The following CFAP44 variants were observed in gnomAD, a reference collection of about 807,000 sequenced individuals.
CFAP44 encodes the protein cilia- and flagella-associated protein 44.
In CFAP44, 134 loss-of-function variants were observed where a neutral mutation model predicts 216.2. The observed-to-expected ratio is 0.62, with a 90% CI of 0.54 to 0.72. The LOEUF (loss-of-function observed/expected upper bound fraction) is 0.72. Ranked by LOEUF, CFAP44 falls within the 30% of genes least tolerant of loss-of-function variation. The pLI, the probability that CFAP44 is intolerant of heterozygous loss-of-function variation, is 0.00. For missense variants in CFAP44, 2,035 were observed against 2,182.1 expected (o/e 0.93, Z 1.34); for synonymous variants, 700 against 727.6 (o/e 0.96, Z 0.61).
intron 28 of CFAP44, among the ~76,000 whole-genome samples, chr3:113,323,138 C>T (rs1462586875): frequency 6.6e-6 from 1 of 152,144 alleles, no homozygotes. Flanking sequence ...GACCAAAATT[C>T]AAGATGAGAT....
At chr3:113,372,191 A>G (rs1933189291) in intron 18 of CFAP44, among the ~76,000 whole-genome samples, 1 of 152,212 alleles carries the variant, frequency 6.6e-6, no homozygotes, top group African/African-American at 2.4e-5. Context: ...AGGATCTACA[A>G]CTAGAAATAC....
intron 27 of CFAP44, 81 bp from the exon 28 acceptor site, chr3:113,326,721 G>T: frequency 2.6e-6 from 2 of 758,400 alleles, no homozygotes; most frequent in African/African-American, 1.8e-5. Context: ...ACAATACAAG[G>T]TTACAGTTTA....
intron 17 of CFAP44, among the ~76,000 whole-genome samples, chr3:113,374,024 T>C (rs1171088482): frequency 6.6e-6 from 1 of 152,174 alleles, no homozygotes; most frequent in African/African-American, 2.4e-5. Context: ...GGAAGAGCTA[T>C]ATTGCTCCAA....
At chr3:113,368,008 A>G (rs1233052577) in intron 18 of CFAP44, among the ~76,000 whole-genome samples, 3 of 152,224 alleles carry the variant, frequency 2.0e-5, no homozygotes, top group African/African-American at 7.2e-5. Context: ...AGATCAAATT[A>G]ATGAAATAAA....
At chr3:113,392,518 A>G (rs576972201) in intron 15 of CFAP44, among the ~76,000 whole-genome samples, 138 of 152,302 alleles carry the variant, frequency 9.1e-4, no homozygotes, top group African/African-American at 3.2e-3. Context: ...GATTATAGTC[A>G]ATAATAACTT....
At chr3:113,431,206 G>A (rs986367498) in intron 2 of CFAP44, among the ~76,000 whole-genome samples, 6 of 152,120 alleles carry the variant, frequency 3.9e-5, no homozygotes, top group South Asian at 2.1e-4. Context: ...ACCTCTTCAC[G>A]CAGCAACAAG....
chr3:113,419,251 T>C (rs1306305680), intron 5 of CFAP44, among the ~76,000 whole-genome samples: 2 of 152,216 alleles, frequency 1.3e-5, no homozygotes, highest in Non-Finnish European at 2.9e-5. Flanking sequence ...CATGGCTATC[T>C]GCACACAGTT....
chr3:113,340,766 C>T (rs901577604), intron 24 of CFAP44, among the ~76,000 whole-genome samples: 2 of 152,188 alleles, frequency 1.3e-5, no homozygotes, highest in Non-Finnish European at 2.9e-5. Flanking sequence ...TCAATTAGAC[C>T]CCCTTCCTTA....
At chr3:113,294,933 A>G in intron 33 of CFAP44, 112 bp from the exon 34 acceptor site, 1 of 1,250,686 alleles carries the variant, frequency 8.0e-7, no homozygotes, top group Admixed American at 3.2e-5. Context: ...ATGTGCCCAT[A>G]TGAAAATATA....
chr3:113,371,184 C>T (rs1017278352), intron 18 of CFAP44, among the ~76,000 whole-genome samples: 4 of 152,094 alleles, frequency 2.6e-5, no homozygotes. Flanking sequence ...CAATGCCATC[C>T]CCATCAAGCT....
intron 4 of CFAP44, among the ~76,000 whole-genome samples, chr3:113,425,592 C>G (rs1379634985): frequency 6.6e-6 from 1 of 152,182 alleles, no homozygotes; most frequent in Non-Finnish European, 1.5e-5. Context: ...AATGGACAGA[C>G]ACATAAGTGT....
Position 113,419,707 on chromosome 3 carries a change from C to A in CFAP44, c.570+310G>T, listed in dbSNP as rs554542220. Among the ~76,000 whole-genome samples the A allele has an allele frequency of 7.2e-5, 11 of 152,330 alleles. No individual in the cohort carries two copies. The South Asian group carries it at 2.1e-3, about 29-fold the overall frequency. Reference sequence around the variant, plus strand: ...TAAGATTCTTTAAAATCTCCTCACTCATCTCCACTTCTAATCTAAATATGA... The same window carrying A: ...TAAGATTCTTTAAAATCTCCTCACTAATCTCCACTTCTAATCTAAATATGA... On this transcript the variant is annotated intron_variant, in intron 5 of 34. Coordinates refer to ENST00000393845, the MANE Select transcript of CFAP44 (RefSeq NM_001164496.2).
At chr3:113,361,842 C>T (rs747036205) in intron 21 of CFAP44, among the ~76,000 whole-genome samples, 44 of 145,180 alleles carry the variant, frequency 3.0e-4, no homozygotes, top group Non-Finnish European at 5.6e-4. Context: ...TGAAGACCTG[C>T]TATTCTGACC....
chr3:113,343,022 C>T (rs1172897842), intron 23 of CFAP44, among the ~76,000 whole-genome samples: 3 of 148,586 alleles, frequency 2.0e-5, no homozygotes, highest in African/African-American at 4.9e-5. Flanking sequence ...AAAAAAATGG[C>T]TGTATCAACT....
chr3:113,412,024 T>C (rs1211025146), intron 6 of CFAP44, among the ~76,000 whole-genome samples: 3 of 152,136 alleles, frequency 2.0e-5, no homozygotes, highest in Non-Finnish European at 4.4e-5. Flanking sequence ...CTTATCAGCT[T>C]AAGCTATTCA....
chr3:113,328,716 A>AAAAC (rs1950213843), intron 26 of CFAP44, among the ~76,000 whole-genome samples: 1 of 145,622 alleles, frequency 6.9e-6, no homozygotes, highest in Non-Finnish European at 1.5e-5. Flanking sequence ...AAAAAAAAAA[A>AAAAC]AAAAAAAAAA....
intron 32 of CFAP44, among the ~76,000 whole-genome samples, chr3:113,298,719 T>C (rs1484313679): frequency 6.6e-6 from 1 of 152,228 alleles, no homozygotes; most frequent in East Asian, 1.9e-4. Context: ...TTATCCTAAA[T>C]AGAATAAGCC....
chr3:113,411,083 C>T (rs1934454013), intron 6 of CFAP44, among the ~76,000 whole-genome samples: 1 of 152,124 alleles, frequency 6.6e-6, no homozygotes, highest in South Asian at 2.1e-4. Context: ...AATTTTCTCC[C>T]ATTCTGTAAG....
intron 28 of CFAP44, 109 bp downstream of exon 28, chr3:113,326,336 T>C (rs574559522): frequency 9.8e-7 from 1 of 1,015,888 alleles, no homozygotes; most frequent in South Asian, 2.3e-5. Flanking sequence ...GTCTCTACAT[T>C]GTCCATGTTA....
Sources: gnomAD v4.1 joint callset for allele counts (sites outside exome capture counted in the v4.1 genomes callset) on GRCh38, gnomAD v4.1.1 for gene constraint, MANE v1.5 for transcripts, NCBI Gene and HGNC (gene_info 2026-07-23, HGNC 2026-07-21) for gene names.